ARHGAP10: variants seen among roughly 807,000 people sequenced by gnomAD.
The protein encoded by ARHGAP10 is Rho GTPase activating protein 10, also known as rho GTPase-activating protein 10.
Under a neutral mutation model 108.6 loss-of-function variants are expected in ARHGAP10, and 87 were observed. The ratio of observed to expected loss-of-function variants is 0.80; its 90% CI spans 0.67 to 0.96. The LOEUF is 0.96. Ranked by LOEUF, ARHGAP10 falls within the 40% of genes least tolerant of loss-of-function variation. The pLI is 0.00. For synonymous variants in ARHGAP10, 347 were observed against 341.1 expected (o/e 1.02, Z -0.19); for missense variants, 939 against 954.5 (o/e 0.98, Z 0.21).
chr4:147,951,678 C>T (rs528812795), intron 15 of ARHGAP10, among the ~76,000 whole-genome samples: 3 of 151,936 alleles, frequency 2.0e-5, no homozygotes, highest in South Asian at 2.1e-4. Context: ...GTCTTAAACT[C>T]GTCGTCTCAA....
intron 13 of ARHGAP10, among the ~76,000 whole-genome samples, chr4:147,939,249 TAG>T (rs765291616): frequency 1.5e-4 from 23 of 152,290 alleles, no homozygotes; most frequent in African/African-American, 5.3e-4. Flanking sequence ...CAGATCTCTG[TAG>T]AGAGAGAGGA....
intron 20 of ARHGAP10, 66 bp from the exon 21 acceptor site, chr4:148,063,082 T>C: frequency 6.4e-7 from 1 of 1,563,788 alleles, no homozygotes; most frequent in South Asian, 1.1e-5. Context: ...GGGATTGGGA[T>C]GTTGTGCATT....
At chr4:147,779,283 G>C (rs576005699) in intron 1 of ARHGAP10, among the ~76,000 whole-genome samples, 12 of 152,260 alleles carry the variant, frequency 7.9e-5, no homozygotes, top group African/African-American at 2.9e-4. Flanking sequence ...CACCTCCAGG[G>C]ACCACTCTTG....
chr4:148,036,666 A>G (rs1728391372), intron 19 of ARHGAP10, among the ~76,000 whole-genome samples: 1 of 152,226 alleles, frequency 6.6e-6, no homozygotes, highest in Non-Finnish European at 1.5e-5. Context: ...TAAATTACCC[A>G]GTCTCAGGTA....
intron 1 of ARHGAP10, among the ~76,000 whole-genome samples, chr4:147,783,027 A>G (rs1284240594): frequency 7.1e-6 from 1 of 141,250 alleles, no homozygotes; most frequent in Non-Finnish European, 1.5e-5. Context: ...ATGTTAAATT[A>G]TATATATAAA....
At chr4:147,907,176 T>C (rs1736531230) in intron 11 of ARHGAP10, among the ~76,000 whole-genome samples, 1 of 152,186 alleles carries the variant, frequency 6.6e-6, no homozygotes, top group Non-Finnish European at 1.5e-5. Flanking sequence ...GTATGCAGTA[T>C]TATGTAGCCT....
chr4:147,996,296 C>A (rs1186072581), intron 18 of ARHGAP10, among the ~76,000 whole-genome samples: 1 of 152,130 alleles, frequency 6.6e-6, no homozygotes, highest in African/African-American at 2.4e-5. Context: ...AACAAAACAT[C>A]AAAATGGAAA....
At chr4:147,790,959 A>T (rs1225258489) in intron 1 of ARHGAP10, among the ~76,000 whole-genome samples, 2 of 152,128 alleles carry the variant, frequency 1.3e-5, no homozygotes, top group Non-Finnish European at 2.9e-5. Flanking sequence ...TTCTATAAGT[A>T]ACCACTATTG....
intron 18 of ARHGAP10, among the ~76,000 whole-genome samples, chr4:148,019,054 G>A (rs991320176): frequency 1.3e-5 from 2 of 152,216 alleles, no homozygotes; most frequent in African/African-American, 2.4e-5. Context: ...CTAAAGTGCA[G>A]AAATAAATAC....
chr4:147,934,768 A>G (rs531892739), intron 13 of ARHGAP10, among the ~76,000 whole-genome samples: 7 of 152,374 alleles, frequency 4.6e-5, no homozygotes, highest in African/African-American at 1.7e-4. Context: ...AAGGAGGTCA[A>G]GGCTGCAGAG....
At chr4:147,741,012 A>ATCCTATACT (rs1728633567) in intron 1 of ARHGAP10, among the ~76,000 whole-genome samples, 1 of 152,168 alleles carries the variant, frequency 6.6e-6, no homozygotes, top group Non-Finnish European at 1.5e-5. Flanking sequence ...TAATGGTTTC[A>ATCCTATACT]TCCTATACTT....
intron 20 of ARHGAP10, among the ~76,000 whole-genome samples, chr4:148,054,369 C>T (rs1481811463): frequency 6.6e-6 from 1 of 152,226 alleles, no homozygotes; most frequent in African/African-American, 2.4e-5. Flanking sequence ...ATAACATCTG[C>T]CCCTCTGGGC....
chr4:147,837,662 TAAAGCA>T (rs1733233681), intron 3 of ARHGAP10, among the ~76,000 whole-genome samples: 1 of 148,590 alleles, frequency 6.7e-6, no homozygotes, highest in Non-Finnish European at 1.5e-5. Context: ...TTTTTTTTTT[TAAAGCA>T]GTAGCTTTTG....
chr4:147,804,756 A>G (rs1731714854), intron 1 of ARHGAP10, among the ~76,000 whole-genome samples: 1 of 151,834 alleles, frequency 6.6e-6, no homozygotes. Flanking sequence ...GCTTTTTTTT[A>G]TATGATTGTT....
intron 3 of ARHGAP10, among the ~76,000 whole-genome samples, chr4:147,825,633 G>A (rs1579087325): frequency 6.6e-6 from 1 of 152,136 alleles, no homozygotes; most frequent in African/African-American, 2.4e-5. Flanking sequence ...ATGTGATCCT[G>A]TAGTCATCAA....
chr4:148,023,714 A>T (rs1221665985), intron 19 of ARHGAP10, among the ~76,000 whole-genome samples: 1 of 152,212 alleles, frequency 6.6e-6, no homozygotes, highest in Non-Finnish European at 1.5e-5. Flanking sequence ...AGACAAATGG[A>T]AGGGGAACTA....
At chr4:147,832,922 G>C (rs1440954906) in intron 3 of ARHGAP10, among the ~76,000 whole-genome samples, 1 of 152,128 alleles carries the variant, frequency 6.6e-6, no homozygotes, top group African/African-American at 2.4e-5. Context: ...GACAACTGTA[G>C]CTCCTCAGTA....
chr4:148,040,203 TG>T (rs1728570934), intron 19 of ARHGAP10, among the ~76,000 whole-genome samples: 1 of 152,210 alleles, frequency 6.6e-6, no homozygotes, highest in Non-Finnish European at 1.5e-5. Flanking sequence ...GTGGGGAACT[TG>T]GTTATAGGTT....
chr4:147,801,012 GC>G (rs1731559451), intron 1 of ARHGAP10, among the ~76,000 whole-genome samples: 1 of 152,180 alleles, frequency 6.6e-6, no homozygotes. Flanking sequence ...CGCCATGTTG[GC>G]CAGGCTGGTC....
Sources: gnomAD v4.1 joint callset for allele counts (sites outside exome capture counted in the v4.1 genomes callset) on GRCh38, gnomAD v4.1.1 for gene constraint, MANE v1.5 for transcripts, NCBI Gene and HGNC (gene_info 2026-07-23, HGNC 2026-07-21) for gene names.